Variants in RNF216 observed in about 807,000 individuals in gnomAD.
RNF216 encodes E3 ubiquitin-protein ligase RNF216.
RNF216 carries 72 observed loss-of-function variants against 110.8 expected under a neutral mutation model. The ratio of observed to expected loss-of-function variants is 0.65; its 90% CI spans 0.54 to 0.79. RNF216 has a LOEUF of 0.79. Ranked by LOEUF, RNF216 falls within the 30% of genes least tolerant of loss-of-function variation. The pLI, the probability that RNF216 is intolerant of heterozygous loss-of-function variation, is 0.00. For synonymous variants in RNF216, 495 were observed against 407.5 expected (o/e 1.21, Z -2.59); for missense variants, 1,342 against 1,141.2 (o/e 1.18, Z -2.54).
chr7:5,697,488 T>C (rs1584469541), intron 13 of RNF216, among the ~76,000 whole-genome samples: 1 of 152,200 alleles, frequency 6.6e-6, no homozygotes, highest in Non-Finnish European at 1.5e-5. Context: ...TCAGGCAAGG[T>C]GAGGGGCCAA....
At chr7:5,717,171 T>C (rs1224888528) in intron 9 of RNF216, among the ~76,000 whole-genome samples, 3 of 152,056 alleles carry the variant, frequency 2.0e-5, no homozygotes, top group African/African-American at 4.8e-5. Context: ...CTGACCAACA[T>C]GGAAAAACCC....
chr7:5,778,688 C>A (rs917239970), intron 1 of RNF216, among the ~76,000 whole-genome samples: 1 of 152,234 alleles, frequency 6.6e-6, no homozygotes, highest in Non-Finnish European at 1.5e-5. Context: ...AAGTTCCACG[C>A]TGACCCTTAC....
intron 13 of RNF216, among the ~76,000 whole-genome samples, chr7:5,661,781 C>T (rs979562683): frequency 1.4e-4 from 22 of 152,102 alleles, no homozygotes; most frequent in African/African-American, 4.6e-4. Context: ...CCAGCCTGGG[C>T]GAGACAATGA....
intron 13 of RNF216, among the ~76,000 whole-genome samples, chr7:5,705,265 A>C (rs1792209719): frequency 6.6e-6 from 1 of 152,158 alleles, no homozygotes; most frequent in Admixed American, 6.5e-5. Flanking sequence ...AAAACTCAAC[A>C]TGTCCAAAAC....
intron 13 of RNF216, 33 bp from the exon 14 acceptor site, chr7:5,652,543 C>T (rs766963914): frequency 3.5e-6 from 5 of 1,414,694 alleles, no homozygotes; most frequent in Non-Finnish European, 5.0e-6. Context: ...AAGACAACTC[C>T]TGGTGAGTGG....
intron 13 of RNF216, among the ~76,000 whole-genome samples, chr7:5,682,033 C>T (rs1330619843): frequency 1.3e-5 from 2 of 152,182 alleles, no homozygotes; most frequent in African/African-American, 2.4e-5. Flanking sequence ...CTTCTGTGGC[C>T]GGCTGCTGCC....
intron 11 of RNF216, chr7:5,713,355 G>C (rs1792837719): frequency 6.5e-6 from 1 of 154,650 alleles, no homozygotes; most frequent in African/African-American, 2.4e-5. Flanking sequence ...AAGATCTCCT[G>C]AACAGCTGGA....
chr7:5,758,253 G>C (rs2128668558), intron 2 of RNF216, among the ~76,000 whole-genome samples: 1 of 152,240 alleles, frequency 6.6e-6, no homozygotes, highest in East Asian at 1.9e-4. Context: ...TTATAACTAA[G>C]ATTTAAAATT....
rs1353812442 is a variant in RNF216 at position 5,659,244 on chromosome 7, G to A, written c.2062-6734C>T. On this transcript the variant is annotated intron_variant, in intron 13 of 16. Coordinates refer to ENST00000389902, the MANE Select transcript of RNF216 (RefSeq NM_207111.4). ...ATTTCTGTCATTTGTATGAGACACC[G>A]GAGATACAGCAATAAACAAGTTAGG... Among the ~76,000 whole-genome samples, 4 of 152,252 alleles carry A rather than the reference G, an allele frequency of 2.6e-5. 1 individual carries two copies. The highest frequency in any genetic ancestry group is 6.8e-3 in the Middle Eastern group (2 of 294).
At chr7:5,640,286 G>C (rs2128566765) in intron 15 of RNF216, among the ~76,000 whole-genome samples, 1 of 152,226 alleles carries the variant, frequency 6.6e-6, no homozygotes, top group Admixed American at 6.5e-5. Context: ...TGGCCTTGAT[G>C]TAATGCAAGA....
intron 6 of RNF216, among the ~76,000 whole-genome samples, chr7:5,730,422 G>C (rs1020324199): frequency 1.3e-5 from 2 of 152,118 alleles, no homozygotes; most frequent in African/African-American, 4.8e-5. Flanking sequence ...TTTGCTTTAG[G>C]AATTTGCTTT....
chr7:5,707,190 G>A (rs1792347983), intron 13 of RNF216, among the ~76,000 whole-genome samples: 1 of 152,230 alleles, frequency 6.6e-6, no homozygotes, highest in African/African-American at 2.4e-5. Flanking sequence ...GTCAGGAAGT[G>A]TGAGGCTTCC....
chr7:5,701,470 A>G (rs1262987351), intron 13 of RNF216, among the ~76,000 whole-genome samples: 1 of 152,132 alleles, frequency 6.6e-6, no homozygotes, highest in Non-Finnish European at 1.5e-5. Context: ...CTGGGCAGCT[A>G]TTACTTCGTG....
intron 15 of RNF216, among the ~76,000 whole-genome samples, chr7:5,640,141 G>A (rs1321742301): frequency 6.6e-6 from 1 of 150,398 alleles, no homozygotes; most frequent in Non-Finnish European, 1.5e-5. Context: ...CCAGCGATCC[G>A]CCCACCTTGG....
At chr7:5,641,489 G>T (rs1787730029) in intron 14 of RNF216, 113 bp from the exon 15 acceptor site, 2 of 855,078 alleles carry the variant, frequency 2.3e-6, no homozygotes, top group Non-Finnish European at 3.6e-6. Context: ...GCTTTTTTGT[G>T]ACATTAAACA....
At chr7:5,745,847 G>A (rs1795003073) in intron 3 of RNF216, among the ~76,000 whole-genome samples, 1 of 141,774 alleles carries the variant, frequency 7.1e-6, no homozygotes, top group Non-Finnish European at 1.5e-5. Context: ...AGTGAGCCGA[G>A]ATCAGGCCAC....
chr7:5,755,129 AGAGG>A (rs1173561410), intron 2 of RNF216, among the ~76,000 whole-genome samples: 1 of 135,788 alleles, frequency 7.4e-6, no homozygotes, highest in Admixed American at 7.9e-5. Context: ...AGGAAAGGAA[AGAGG>A]GAGGGAGGAA....
At chr7:5,743,887 G>C (rs982311652) in intron 3 of RNF216, among the ~76,000 whole-genome samples, 4 of 152,300 alleles carry the variant, frequency 2.6e-5, no homozygotes, top group Non-Finnish European at 4.4e-5. Flanking sequence ...TGAATGTGAG[G>C]TGCTGGTGCT....
intron 13 of RNF216, among the ~76,000 whole-genome samples, chr7:5,659,050 GA>G (rs1389865164): frequency 6.6e-6 from 1 of 152,166 alleles, no homozygotes; most frequent in Non-Finnish European, 1.5e-5. Flanking sequence ...GAGAAGCCTA[GA>G]AAGACTTCTA....
Sources: allele counts gnomAD v4.1 joint callset (sites outside exome capture counted in the v4.1 genomes callset), GRCh38; gene constraint gnomAD v4.1.1; transcripts MANE v1.5; gene names NCBI Gene and HGNC (gene_info 2026-07-23, HGNC 2026-07-21).